The following NOX3 variants were observed in gnomAD, a reference collection of about 807,000 sequenced individuals.
NOX3 encodes NADPH oxidase catalytic subunit-like 3.
In NOX3, 74 loss-of-function variants were observed where a neutral mutation model predicts 76.7. The ratio of observed to expected loss-of-function variants is 0.96; its 90% CI spans 0.80 to 1.17. NOX3 has a LOEUF of 1.17. NOX3 is among the 50% of genes most tolerant of loss of function. NOX3 has a pLI of 0.00. For missense variants in NOX3, 695 were observed against 703.3 expected, an observed-to-expected ratio of 0.99 and a Z score of 0.13; for synonymous variants, 263 against 261.1, an observed-to-expected ratio of 1.01 and a Z score of -0.07.
intron 10 of NOX3, among the ~76,000 whole-genome samples, chr6:155,418,155 CT>C (rs1329561681): frequency 1.3e-5 from 2 of 152,158 alleles, no homozygotes; most frequent in South Asian, 4.2e-4. Context: ...AATCCTCCCC[CT>C]CCCTCCCCAT....
chr6:155,396,920 C>CGA lies in NOX3; in HGVS notation c.1621_1622dup (p.Thr543GlyfsTer59), dbSNP rs779227948. The CGA allele has an allele frequency of 4.2e-5, 68 of 1,613,126 alleles. No homozygotes were observed. Among genetic ancestry groups the CGA allele is most frequent in the Admixed American group, 2.0e-4 (12 of 59,966 alleles). On this transcript the variant is annotated frameshift_variant, in exon 13 of 14. Coordinates refer to ENST00000159060, the MANE Select transcript of NOX3 (RefSeq NM_015718.3). LOFTEE classifies it high-confidence loss of function. ...AGTGGCACATCTTTTGAAGTGTCCT[C>CGA]GAGAGAGCTTTAGGTCCACAGAAGA...
chr6:155,455,737 C>CA lies in NOX3; in HGVS notation c.48+15dup. On this transcript the variant is annotated intron_variant, in intron 1 of 13. Transcript: ENST00000159060. ...AATCTATATATTTAAAGTTGAATAA[C>CA]AAAAATGATACTTACTACTAATATG... 6.2e-7 allele frequency: 1 copy of CA among 1,602,790 alleles called. No individual in the cohort carries two copies. Among genetic ancestry groups the CA allele is most frequent in the South Asian group, 1.1e-5 (1 of 90,742 alleles).
intron 8 of NOX3, 103 bp downstream of exon 8, chr6:155,430,740 T>C: frequency 1.5e-6 from 1 of 679,988 alleles, no homozygotes; most frequent in Non-Finnish European, 2.6e-6. Context: ...GCCTCTAAAT[T>C]ACAGACAGTT....
Position 155,428,948 on chromosome 6 carries a change from A to T in NOX3, c.991T>A (p.Ser331Thr), listed in dbSNP as rs1314134595. 8.7e-6 allele frequency: 14 copies of T among 1,614,028 alleles called. No homozygotes were observed. The highest frequency in any genetic ancestry group is 1.2e-5 in the Non-Finnish European group (14 of 1,179,980). ...QYILVQCPAI[S>T]SLEWHPFTLT... Reference sequence around the variant, plus strand: ...GTGAAGGGGTGCCACTCCAGCGAAGATATGGCTGGGCACTGCACCAAGATG... The same window carrying T: ...GTGAAGGGGTGCCACTCCAGCGAAGTTATGGCTGGGCACTGCACCAAGATG... Residue 331 changes from serine (S) to threonine (T), a missense_variant, in exon 9 of 14, where the codon TCT (serine) becomes ACT (threonine). Transcript: ENST00000159060.
intron 9 of NOX3, 129 bp from the exon 10 acceptor site, chr6:155,422,985 G>A (rs1776710869): frequency 5.8e-6 from 5 of 868,618 alleles, no homozygotes; most frequent in Non-Finnish European, 9.0e-6. Flanking sequence ...CTCTGTGCCT[G>A]AAAATGCCCT....
intron 13 of NOX3, among the ~76,000 whole-genome samples, chr6:155,396,123 A>C (rs1779135229): frequency 6.6e-6 from 1 of 152,212 alleles, no homozygotes; most frequent in Non-Finnish European, 1.5e-5. Flanking sequence ...AAGGGCTTGA[A>C]TATATATCCT....
rs2294681 is a variant in NOX3, at chr6:155,419,452, T to A, written c.1308+3242A>T. ...GTGCAGATACTGACTTTCATGGTCC[T>A]ATGCAAAGCTAGGAGATTAGGACCT... On this transcript the variant is annotated intron_variant, in intron 10 of 13. Transcript: ENST00000159060. Among the ~76,000 whole-genome samples the A allele has an allele frequency of 0.05, 7,568 of 152,280 alleles. 1,119 individuals are homozygous for A. The East Asian group carries it at 0.52, about 10-fold the overall frequency.
chr6:155,428,635 CT>C (rs1776789793), intron 9 of NOX3, among the ~76,000 whole-genome samples, 158 bp downstream of exon 9: 2 of 145,734 alleles, frequency 1.4e-5, no homozygotes, highest in Admixed American at 1.4e-4. Context: ...TCCTAGAAGT[CT>C]ACAAAATTAT....
chr6:155,440,185 C>A, intron 5 of NOX3, 48 bp from the exon 6 acceptor site: 4 of 1,428,314 alleles, frequency 2.8e-6, no homozygotes, highest in Non-Finnish European at 3.8e-6. Flanking sequence ...AAAAAAAACA[C>A]CTTGACATTA....
Position 155,425,411 on chromosome 6 carries a change from G to T in NOX3, c.1146-2555C>A, listed in dbSNP as rs531556862. Among the ~76,000 whole-genome samples, 49 of 152,106 alleles carry T rather than the reference G, an allele frequency of 3.2e-4. 1 individual carries two copies. The highest frequency in any genetic ancestry group is 4.9e-4 in the Non-Finnish European group (33 of 68,026). ...AATAATGAGGCTCAGAAAATGATTTGTCTTGCCTGCATCCCTGTCCTGTGA... is the reference window on the plus strand; with the variant it reads ...AATAATGAGGCTCAGAAAATGATTTTTCTTGCCTGCATCCCTGTCCTGTGA... On this transcript the variant is annotated intron_variant, in intron 9 of 13. Transcript: ENST00000159060.
At chr6:155,410,605 A>T (rs973975205) in intron 11 of NOX3, among the ~76,000 whole-genome samples, 4 of 152,208 alleles carry the variant, frequency 2.6e-5, no homozygotes, top group African/African-American at 9.7e-5. Context: ...TGGTAAATTC[A>T]ATCTTAATAT....
chr6:155,451,721 C>A (rs999321074), intron 4 of NOX3, among the ~76,000 whole-genome samples: 14 of 151,898 alleles, frequency 9.2e-5, no homozygotes, highest in Non-Finnish European at 1.3e-4. Flanking sequence ...GCCTCCTGGG[C>A]TCAAGCTATC....
chr6:155,440,483 TAAA>T (rs984807117), intron 5 of NOX3, among the ~76,000 whole-genome samples: 1 of 147,782 alleles, frequency 6.8e-6, no homozygotes, highest in Admixed American at 6.8e-5. Context: ...ATAAATAAAT[TAAA>T]AAAAAAAAGC....
intron 5 of NOX3, among the ~76,000 whole-genome samples, chr6:155,442,786 AGTATCT>A (rs1467202407): frequency 2.6e-5 from 4 of 152,226 alleles, no homozygotes; most frequent in African/African-American, 9.6e-5. Context: ...TGCTTTGCCC[AGTATCT>A]GATTTGGCAA....
intron 3 of NOX3, among the ~76,000 whole-genome samples, chr6:155,453,698 T>C (rs1777175799): frequency 6.6e-6 from 1 of 152,206 alleles, no homozygotes; most frequent in South Asian, 2.1e-4. Context: ...GATTGACTTA[T>C]TAGTTCTCTG....
intron 12 of NOX3, among the ~76,000 whole-genome samples, chr6:155,403,165 A>G (rs1779257335): frequency 6.6e-6 from 1 of 152,258 alleles, no homozygotes; most frequent in Non-Finnish European, 1.5e-5. Context: ...TTGTTTAAAA[A>G]TTAGATTTTA....
At chr6:155,398,230 G>A (rs1779165243) in intron 12 of NOX3, among the ~76,000 whole-genome samples, 1 of 152,072 alleles carries the variant, frequency 6.6e-6, no homozygotes, top group African/African-American at 2.4e-5. Context: ...TCCTAGGCTC[G>A]AATCCAAGGA....
intron 9 of NOX3, among the ~76,000 whole-genome samples, chr6:155,423,737 CTTTTTCTTTTTTT>C (rs1776721660): frequency 6.7e-6 from 1 of 149,018 alleles, no homozygotes; most frequent in Non-Finnish European, 1.5e-5. Context: ...TTTTCTTTTT[CTTTTTCTTTTTTT>C]TTTTTTTTTG....
Position 155,428,879 on chromosome 6 carries a change from G to A in NOX3, c.1060C>T (p.Arg354Trp), listed in dbSNP as rs563228632. ...GCTGCTGTCCAGTCTCCTGCTGCCC[G>A]GATGTGCACGCTGAAAAAGTCCTCC... ...PQEDFFSVHIRAAGDWTAALL... is the reference protein window; with the variant it reads ...PQEDFFSVHIWAAGDWTAALL... Residue 354 changes from arginine to tryptophan, a missense_variant, in exon 9 of 14, where the codon CGG becomes TGG. Coordinates refer to ENST00000159060, the MANE Select transcript of NOX3 (RefSeq NM_015718.3). The A allele has an allele frequency of 9.9e-6, 16 of 1,612,714 alleles. No individual in the cohort carries two copies. The East Asian group carries it at 1.3e-4, about 13-fold the overall frequency.
Sources: allele counts gnomAD v4.1 joint callset (sites outside exome capture counted in the v4.1 genomes callset), GRCh38; gene constraint gnomAD v4.1.1; transcripts MANE v1.5; gene names NCBI Gene and HGNC (gene_info 2026-07-23, HGNC 2026-07-21).